FRMD3: variants seen among roughly 807,000 people sequenced by gnomAD.
FRMD3 encodes the protein FERM domain-containing protein 3.
Under a neutral mutation model 70.2 loss-of-function variants are expected in FRMD3, and 33 were observed. The observed-to-expected ratio is 0.47, with a 90% confidence interval of 0.36 to 0.63. The LOEUF (loss-of-function observed/expected upper bound fraction) is 0.63. Ranked by LOEUF, FRMD3 falls within the 20% of genes least tolerant of loss-of-function variation. FRMD3 has a pLI of 0.00. For missense variants in FRMD3, 632 were observed against 711.4 expected (o/e 0.89, Z 1.27); for synonymous variants, 279 against 255.9 (o/e 1.09, Z -0.86).
downstream of FRMD3, chr9:83,243,292 A>ACCTT (rs1831943003): frequency 1.4e-6 from 2 of 1,405,510 alleles, no homozygotes; most frequent in Non-Finnish European, 9.8e-7. Flanking sequence ...GTAAGCAGCG[A>ACCTT]CCTTCAGCAC....
the FRMD3 span, among the ~76,000 whole-genome samples, chr9:83,581,505 T>C: frequency 7.0e-4 from 106 of 152,324 alleles, 3 homozygotes; most frequent in South Asian, 0.022. Flanking sequence ...AATACACTGT[T>C]GATGGGAATG....
intron 13 of FRMD3, among the ~76,000 whole-genome samples, chr9:83,272,536 G>A (rs1833606164): frequency 6.6e-6 from 1 of 152,182 alleles, no homozygotes; most frequent in Admixed American, 6.5e-5. Context: ...ACCCCCTCTG[G>A]GAAGTGAGGA....
At chr9:83,387,888 A>G (rs1458582917) in intron 2 of FRMD3, among the ~76,000 whole-genome samples, 1 of 152,156 alleles carries the variant, frequency 6.6e-6, no homozygotes, top group African/African-American at 2.4e-5. Context: ...CTGATTTAAG[A>G]GGTCTGGAAT....
At chr9:83,468,718 C>T (rs986986060) in intron 1 of FRMD3, among the ~76,000 whole-genome samples, 3 of 152,100 alleles carry the variant, frequency 2.0e-5, no homozygotes, top group Non-Finnish European at 2.9e-5. Context: ...TAAATGTGTC[C>T]GTGGAAACTT....
At chr9:83,416,749 C>CTCTCTCTG in intron 1 of FRMD3, among the ~76,000 whole-genome samples, 1 of 96,124 alleles carries the variant, frequency 1.0e-5, no homozygotes, top group South Asian at 3.9e-4. Flanking sequence ...CTCTCTGTCT[C>CTCTCTCTG]TCTCTCTCTC....
At chr9:83,479,792 A>T (rs1828523875) in intron 1 of FRMD3, among the ~76,000 whole-genome samples, 1 of 58,836 alleles carries the variant, frequency 1.7e-5, no homozygotes, top group African/African-American at 9.4e-5. Context: ...GGAGGGAAGG[A>T]AGGAAGGAAG....
At chr9:83,467,707 G>A (rs1277971446) in intron 1 of FRMD3, 4 of 1,533,584 alleles carry the variant, frequency 2.6e-6, no homozygotes, top group South Asian at 1.2e-5. Flanking sequence ...TTAAAATACT[G>A]CCATCTCGTC....
chr9:83,416,786 T>TCTCTCTCTCTCTCTCTCTCTCTCTCTCC (rs1220396275), intron 1 of FRMD3, among the ~76,000 whole-genome samples: 1 of 58,284 alleles, frequency 1.7e-5, no homozygotes, highest in Non-Finnish European at 3.4e-5. Context: ...TCTCTCTCTC[T>TCTCTCTCTCTCTCTCTCTCTCTCTCTCC]CACTCTCTCT....
intron 1 of FRMD3, among the ~76,000 whole-genome samples, chr9:83,525,826 G>A (rs377248413): frequency 2.0e-5 from 3 of 152,132 alleles, no homozygotes; most frequent in Admixed American, 1.3e-4. Context: ...AAGGAAAAAC[G>A]ATCAAGTACT....
intron 6 of FRMD3, among the ~76,000 whole-genome samples, chr9:83,334,015 G>A (rs1303199319): frequency 3.3e-5 from 5 of 152,096 alleles, no homozygotes; most frequent in African/African-American, 4.8e-5. Context: ...TATGTTCTGA[G>A]CGTTAGAGGC....
intron 1 of FRMD3, among the ~76,000 whole-genome samples, chr9:83,465,354 C>T (rs1009526969): frequency 6.6e-6 from 1 of 152,136 alleles, no homozygotes; most frequent in Non-Finnish European, 1.5e-5. Context: ...TTTTGGGAGG[C>T]CGAGGCAGGA....
chr9:83,326,931 A>C (rs1224846249), intron 6 of FRMD3, among the ~76,000 whole-genome samples: 1 of 152,216 alleles, frequency 6.6e-6, no homozygotes, highest in Non-Finnish European at 1.5e-5. Context: ...ACTTTTAGAC[A>C]AAAAGGAACA....
intron 1 of FRMD3, among the ~76,000 whole-genome samples, chr9:83,453,847 C>G (rs1407130084): frequency 6.6e-6 from 1 of 151,456 alleles, no homozygotes; most frequent in Non-Finnish European, 1.5e-5. Context: ...TCCCAAGTAG[C>G]TGGGACTACA....
intron 1 of FRMD3, among the ~76,000 whole-genome samples, chr9:83,507,816 A>G (rs1311799016): frequency 6.9e-6 from 1 of 145,924 alleles, no homozygotes; most frequent in African/African-American, 2.5e-5. Context: ...GAAGGAGTAC[A>G]CTCCAAAATA....
chr9:83,525,158 C>T (rs922442925), intron 1 of FRMD3, among the ~76,000 whole-genome samples: 3 of 152,078 alleles, frequency 2.0e-5, no homozygotes, highest in Non-Finnish European at 2.9e-5. Context: ...TCCAGATTAA[C>T]GTTTAGCATC....
At chr9:83,309,196 G>T (rs983150653) in intron 10 of FRMD3, among the ~76,000 whole-genome samples, 1 of 151,844 alleles carries the variant, frequency 6.6e-6, no homozygotes, top group Admixed American at 6.6e-5. Context: ...TTGTGGGGGT[G>T]GGGGGAGGAG....
At chr9:83,568,917 A>AAGAT in the FRMD3 span, among the ~76,000 whole-genome samples, 6,051 of 143,270 alleles carry the variant, frequency 0.042, 173 homozygotes, top group East Asian at 0.081. Context: ...CTTGTTAGAA[A>AAGAT]AGATAGATAG....
At chr9:83,439,501 T>C (rs1185553910) in intron 1 of FRMD3, among the ~76,000 whole-genome samples, 1 of 152,248 alleles carries the variant, frequency 6.6e-6, no homozygotes, top group Non-Finnish European at 1.5e-5. Flanking sequence ...CCAAAGCACC[T>C]ATCCTCCTAA....
chr9:83,410,253 G>C (rs775736762), intron 1 of FRMD3, among the ~76,000 whole-genome samples: 2 of 152,084 alleles, frequency 1.3e-5, no homozygotes, highest in Non-Finnish European at 2.9e-5. Flanking sequence ...CATCACCCAG[G>C]TACTGAGTAT....
Sources: gnomAD v4.1 joint callset for allele counts (sites outside exome capture counted in the v4.1 genomes callset) on GRCh38, gnomAD v4.1.1 for gene constraint, MANE v1.5 for transcripts, NCBI Gene and HGNC (gene_info 2026-07-23, HGNC 2026-07-21) for gene names.